The following RTN1 variants were observed in gnomAD, a reference collection of about 807,000 sequenced individuals.
RTN1 encodes the protein reticulon-1.
Under a neutral mutation model 65.5 loss-of-function variants are expected in RTN1, and 25 were observed. The observed-to-expected ratio is 0.38, with a 90% CI of 0.28 to 0.53. The LOEUF is 0.53. Among genes scored for constraint, RTN1 ranks in the 20% least tolerant of loss-of-function variants. The probability of loss-of-function intolerance (pLI) is 0.79; values close to 1 mark genes in which losing one functional copy is unlikely to be tolerated. For synonymous variants in RTN1, 471 were observed against 447.6 expected (o/e 1.05, Z -0.66); for missense variants, 983 against 1,025.4 (o/e 0.96, Z 0.57).
intron 3 of RTN1, among the ~76,000 whole-genome samples, chr14:59,675,558 TTAA>T (rs5809044): frequency 0.72 from 106,979 of 148,340 alleles, 38,823 homozygotes; most frequent in Non-Finnish European, 0.74. Flanking sequence ...AATAAATAAT[TTAA>T]TAATAATATA....
intron 2 of RTN1, among the ~76,000 whole-genome samples, chr14:59,733,049 C>G (rs964378167): frequency 1.1e-4 from 17 of 150,224 alleles, no homozygotes; most frequent in African/African-American, 3.9e-4. Context: ...TAGCACAACA[C>G]AGGGGCTTTG....
chr14:59,856,737 T>G (rs1449292907), intron 1 of RTN1, among the ~76,000 whole-genome samples: 1 of 152,206 alleles, frequency 6.6e-6, no homozygotes, highest in African/African-American at 2.4e-5. Context: ...ACAGCAAGCA[T>G]TTTATAGTAA....
chr14:59,827,230 C>T (rs1887047862), intron 1 of RTN1, among the ~76,000 whole-genome samples: 1 of 152,126 alleles, frequency 6.6e-6, no homozygotes, highest in African/African-American at 2.4e-5. Context: ...AGGCGCCCGC[C>T]ACCACGCCTG....
At chr14:59,628,379 T>C (rs1882456475) in intron 3 of RTN1, among the ~76,000 whole-genome samples, 1 of 151,946 alleles carries the variant, frequency 6.6e-6, no homozygotes, top group Admixed American at 6.6e-5. Context: ...ATAAGGGAAC[T>C]AAAGGGAAGA....
At chr14:59,815,964 G>A (rs1441597803) in intron 1 of RTN1, among the ~76,000 whole-genome samples, 1 of 152,080 alleles carries the variant, frequency 6.6e-6, no homozygotes, top group Non-Finnish European at 1.5e-5. Context: ...ATTCCTGCTA[G>A]CCAATCACAA....
At chr14:59,837,664 A>T (rs1887236710) in intron 1 of RTN1, among the ~76,000 whole-genome samples, 1 of 152,184 alleles carries the variant, frequency 6.6e-6, no homozygotes, top group Admixed American at 6.5e-5. Context: ...ACATTAAAAA[A>T]AACTGGCTTC....
At chr14:59,696,499 A>T (rs1884066100) in intron 3 of RTN1, among the ~76,000 whole-genome samples, 1 of 152,058 alleles carries the variant, frequency 6.6e-6, no homozygotes, top group Admixed American at 6.5e-5. Flanking sequence ...TTAAAGGAGA[A>T]AGTCTGTTGC....
chr14:59,776,826 T>C (rs1394896411), intron 1 of RTN1, among the ~76,000 whole-genome samples: 1 of 152,156 alleles, frequency 6.6e-6, no homozygotes, highest in East Asian at 1.9e-4. Context: ...CAGGCTGTGC[T>C]TTCCAACTCA....
intron 1 of RTN1, among the ~76,000 whole-genome samples, chr14:59,797,712 C>G (rs1200432720): frequency 6.6e-6 from 1 of 152,134 alleles, no homozygotes; most frequent in Non-Finnish European, 1.5e-5. Flanking sequence ...ATTATTTACT[C>G]ATTCCTTATA....
At chr14:59,652,129 A>G (rs775370348) in intron 3 of RTN1, among the ~76,000 whole-genome samples, 1 of 152,256 alleles carries the variant, frequency 6.6e-6, no homozygotes, top group Non-Finnish European at 1.5e-5. Flanking sequence ...CCACAGGGAG[A>G]TACCATCCCA....
chr14:59,796,390 GT>G (rs1373143372), intron 1 of RTN1, among the ~76,000 whole-genome samples: 1 of 152,084 alleles, frequency 6.6e-6, no homozygotes, highest in African/African-American at 2.4e-5. Context: ...ATTTAGTCTT[GT>G]GTTATAAGCT....
At chr14:59,822,908 G>T (rs549761754) in intron 1 of RTN1, among the ~76,000 whole-genome samples, 63 of 151,220 alleles carry the variant, frequency 4.2e-4, no homozygotes, top group African/African-American at 1.5e-3. Context: ...GTTGAAAATT[G>T]CTTTACGGCC....
intron 1 of RTN1, among the ~76,000 whole-genome samples, chr14:59,819,466 A>G (rs569986013): frequency 4.5e-5 from 5 of 112,060 alleles, no homozygotes; most frequent in Non-Finnish European, 8.7e-5. Flanking sequence ...GACACAGAGT[A>G]CAATCCTCCA....
intron 8 of RTN1, among the ~76,000 whole-genome samples, chr14:59,601,223 C>T (rs943394447): frequency 5.9e-5 from 9 of 152,260 alleles, no homozygotes; most frequent in African/African-American, 2.2e-4. Flanking sequence ...CATTTTCATG[C>T]TTCTCTGTCT....
rs551699725 is a variant in RTN1, at chr14:59,705,551, C to T, written c.1765+21368G>A. On this transcript the variant is annotated intron_variant, in intron 3 of 8. Coordinates refer to ENST00000267484, the MANE Select transcript of RTN1 (RefSeq NM_021136.3). ...TACTTTAGGACAACTCAACCTTTCTCCCTAAAGTAAGAAGGCTAAGAGTCA... is the reference window on the plus strand; with the variant it reads ...TACTTTAGGACAACTCAACCTTTCTTCCTAAAGTAAGAAGGCTAAGAGTCA... Among the ~76,000 whole-genome samples the T allele has an allele frequency of 1.2e-3, 190 of 152,316 alleles. 1 individual carries two copies. The highest frequency in any genetic ancestry group is 1.9e-3 in the Non-Finnish European group (131 of 68,020).
intron 1 of RTN1, among the ~76,000 whole-genome samples, chr14:59,768,979 A>C (rs1885902143): frequency 6.6e-6 from 1 of 152,200 alleles, no homozygotes; most frequent in Non-Finnish European, 1.5e-5. Context: ...GGACCAAAGG[A>C]TTCTGTAGGA....
intron 3 of RTN1, among the ~76,000 whole-genome samples, chr14:59,667,173 C>G (rs930708562): frequency 9.9e-5 from 15 of 152,174 alleles, no homozygotes; most frequent in African/African-American, 3.6e-4. Flanking sequence ...GAATTTTAGA[C>G]CAATATCCCT....
At chr14:59,659,541 C>G (rs1399158897) in intron 3 of RTN1, among the ~76,000 whole-genome samples, 1 of 152,196 alleles carries the variant, frequency 6.6e-6, no homozygotes, top group African/African-American at 2.4e-5. Flanking sequence ...CAGTGGATCT[C>G]TCAGCAGAAA....
At chr14:59,768,449 G>A (rs1271303773) in intron 1 of RTN1, among the ~76,000 whole-genome samples, 1 of 152,178 alleles carries the variant, frequency 6.6e-6, no homozygotes, top group Non-Finnish European at 1.5e-5. Context: ...TTTGGGCCAG[G>A]CAACTGGAGG....
Sources: gnomAD v4.1 joint callset for allele counts (sites outside exome capture counted in the v4.1 genomes callset) on GRCh38, gnomAD v4.1.1 for gene constraint, MANE v1.5 for transcripts, NCBI Gene and HGNC (gene_info 2026-07-23, HGNC 2026-07-21) for gene names.